Variants in WNT7A observed in about 807,000 individuals in gnomAD.
WNT7A encodes the protein protein Wnt-7a.
In WNT7A, 16 loss-of-function variants were observed where a neutral mutation model predicts 28.2. That is an observed-to-expected ratio of 0.57 (90% CI 0.38 to 0.86). The LOEUF is 0.86. Among genes scored for constraint, WNT7A ranks in the 40% least tolerant of loss-of-function variants. The pLI is 0.00. For missense variants in WNT7A, 411 were observed against 489.7 expected, an observed-to-expected ratio of 0.84 and a Z score of 1.52; for synonymous variants, 190 against 195.9, an observed-to-expected ratio of 0.97 and a Z score of 0.25.
At chr3:13,839,458 C>T (rs946070021) in intron 3 of WNT7A, among the ~76,000 whole-genome samples, 2 of 152,146 alleles carry the variant, frequency 1.3e-5, no homozygotes, top group Non-Finnish European at 2.9e-5. Context: ...CAGCCCATGG[C>T]GTCCTTTAAA....
intron 3 of WNT7A, among the ~76,000 whole-genome samples, chr3:13,824,093 T>C (rs142646291): frequency 6.6e-6 from 1 of 152,258 alleles, no homozygotes; most frequent in Non-Finnish European, 1.5e-5. Flanking sequence ...ACAGCTTTAC[T>C]GCAGTACAAT....
rs1301216064 is a variant in WNT7A at position 13,818,984 on chromosome 3, T to C, written c.1010A>G (p.Asn337Ser). ...KFHWCCYVKC[N>S]TCSERTEMYT... Reference sequence around the variant, plus strand: ...CATCTCCGTGCGCTCGCTGCACGTGTTGCACTTGACATAGCAGCACCAGTG... The same window carrying C: ...CATCTCCGTGCGCTCGCTGCACGTGCTGCACTTGACATAGCAGCACCAGTG... Residue 337 changes from asparagine (N) to serine (S), a missense_variant, in exon 4 of 4, where the codon AAC (asparagine) becomes AGC (serine). By Grantham distance (46) the Asn-to-Ser change is conservative. Coordinates refer to ENST00000285018, the MANE Select transcript of WNT7A (RefSeq NM_004625.4). The C allele has an allele frequency of 6.2e-7, 1 of 1,603,434 alleles. No individual in the cohort carries two copies. The highest frequency in any genetic ancestry group is 8.5e-7 in the Non-Finnish European group (1 of 1,171,822).
chr3:13,823,198 C>A (rs989527763), intron 3 of WNT7A, among the ~76,000 whole-genome samples: 1 of 152,148 alleles, frequency 6.6e-6, no homozygotes, highest in African/African-American at 2.4e-5. Flanking sequence ...CACTCTGCAC[C>A]CTACTGCTTG....
intron 3 of WNT7A, among the ~76,000 whole-genome samples, chr3:13,837,903 G>A (rs1184438938): frequency 1.3e-5 from 2 of 152,146 alleles, no homozygotes; most frequent in East Asian, 1.9e-4. Context: ...GGCCTCTCCC[G>A]ACCTGTGTTG....
intron 3 of WNT7A, among the ~76,000 whole-genome samples, chr3:13,840,619 T>C (rs1313632154): frequency 1.3e-5 from 2 of 151,718 alleles, no homozygotes; most frequent in Non-Finnish European, 2.9e-5. Flanking sequence ...CATCCATCCA[T>C]CCATCCATCC....
At chr3:13,841,304 G>A (rs1182005891) in intron 3 of WNT7A, among the ~76,000 whole-genome samples, 3 of 152,138 alleles carry the variant, frequency 2.0e-5, no homozygotes, top group South Asian at 2.1e-4. Flanking sequence ...CTAAAACGTC[G>A]CACCTAAGGC....
In WNT7A at chr3:13,817,814, CCA is replaced by C. The variant is rs1694033221; in HGVS notation, c.*1128_*1129del. The C allele has an allele frequency of 1.3e-5, 2 of 152,260 alleles. No homozygotes were observed. The highest frequency in any genetic ancestry group is 6.5e-5 in the Admixed American group (1 of 15,284). The allele number at this position is 152,260 out of a possible 1,614,324, so 9.4% of individuals were successfully genotyped here. A position where few individuals can be genotyped will look rare whatever the true frequency, so the allele number is the denominator to read the frequency against. Reference sequence around the variant, plus strand: ...CTGTGAGGGGCACGATGACCACCCACCACAGTGACTCATTTCGAAGCTACCAC... The same window carrying C: ...CTGTGAGGGGCACGATGACCACCCACCAGTGACTCATTTCGAAGCTACCAC... On this transcript the variant is annotated 3_prime_UTR_variant, in exon 4 of 4. Transcript: ENST00000285018.
chr3:13,856,875 GA>G (rs1694739630), intron 2 of WNT7A, among the ~76,000 whole-genome samples: 1 of 127,352 alleles, frequency 7.9e-6, no homozygotes, highest in African/African-American at 3.1e-5. Context: ...GGAAGAGGAA[GA>G]AGAGGAAGAA....
chr3:13,856,975 A>AAGGAGAAGAAGAAGGAGAAGG (rs1694754806), intron 2 of WNT7A, among the ~76,000 whole-genome samples: 1 of 97,016 alleles, frequency 1.0e-5, no homozygotes, highest in Non-Finnish European at 1.9e-5. Flanking sequence ...GAAGGAGAAG[A>AAGGAGAAGAAGAAGGAGAAGG]AGAAGAAGAA....
At position 13,879,939 on chromosome 3, in the gene WNT7A, C is replaced by G. The variant is rs568644912; in HGVS notation, c.-123G>C. On this transcript the variant is annotated 5_prime_UTR_variant, in exon 1 of 4. Coordinates refer to ENST00000285018, the MANE Select transcript of WNT7A (RefSeq NM_004625.4). Reference sequence around the variant, plus strand: ...CCGAGGCGTCCCCGGGGCCGTCTGTCGGTGCGCCCGTCCGCGCGCTCCGCG... The same window carrying G: ...CCGAGGCGTCCCCGGGGCCGTCTGTGGGTGCGCCCGTCCGCGCGCTCCGCG... 3 of 685,652 alleles carry G rather than the reference C, an allele frequency of 4.4e-6. No homozygotes were observed. In the African/African-American group the frequency reaches 5.7e-5, roughly 13 times the overall value. The allele number at this position is 685,652 out of a possible 1,614,324, so 42.5% of individuals were successfully genotyped here. A position where few individuals can be genotyped will look rare whatever the true frequency, so the allele number is the denominator to read the frequency against.
At position 13,828,901 on chromosome 3, in the gene WNT7A, G is replaced by A. The variant is rs181740808; in HGVS notation, c.571-9478C>T. Among the ~76,000 whole-genome samples, 608 of 152,292 alleles carry A rather than the reference G, an allele frequency of 4.0e-3. 8 individuals carry two copies. The highest frequency in any genetic ancestry group is 0.014 in the African/African-American group (562 of 41,554). ...GTGGCAGAGTCAGGTCACCCAAGAA[G>A]CTCAGTTCAAATCCCATCCCTGCCA... On this transcript the variant is annotated intron_variant, in intron 3 of 3. Transcript: ENST00000285018.
chr3:13,819,437 C>T lies in WNT7A; in HGVS notation c.571-14G>A, dbSNP rs760646081. On this transcript the variant is annotated splice_polypyrimidine_tract_variant and intron_variant, in intron 3 of 3. Transcript: ENST00000285018. ...CTCCTCCAGGATCTGCAGGGGAGGG[C>T]GGGGAAGAGCACAGCACAGGTCACT... is the stretch of plus-strand genomic sequence containing the variant. 2.5e-6 allele frequency: 4 copies of T among 1,610,068 alleles called. No individual in the cohort carries two copies. Among genetic ancestry groups the T allele is most frequent in the Admixed American group, 1.7e-5 (1 of 59,952 alleles).
intron 3 of WNT7A, among the ~76,000 whole-genome samples, chr3:13,826,175 G>A (rs1232574400): frequency 2.0e-5 from 3 of 152,182 alleles, no homozygotes; most frequent in African/African-American, 4.8e-5. Flanking sequence ...GTGCTGCTCC[G>A]GTTTTCTCTG....
chr3:13,853,694 C>A (rs1694678431), intron 3 of WNT7A, among the ~76,000 whole-genome samples: 1 of 152,240 alleles, frequency 6.6e-6, no homozygotes, highest in South Asian at 2.1e-4. Flanking sequence ...AAGCCTCATG[C>A]CCAGTGGAGC....
intron 3 of WNT7A, among the ~76,000 whole-genome samples, chr3:13,821,888 C>A (rs974528298): frequency 6.6e-6 from 1 of 152,182 alleles, no homozygotes. Context: ...TGTAACTATT[C>A]TTTTAAGTGA....
Position 13,874,966 on chromosome 3 carries a change from G to A in WNT7A, c.279C>T (p.Phe93=), listed in dbSNP as rs369354412. 55 of 1,613,998 alleles carry A rather than the reference G, an allele frequency of 3.4e-5. No individual in the cohort carries two copies. Among genetic ancestry groups the A allele is most frequent in the Admixed American group, 2.0e-4 (12 of 60,016 alleles). ...ACATACCCACTTTGAGCTCCTTCCC[G>A]AAGACGGTGCGCTCTCCCAGTGCAG... ...NCSALGERTV[F]GKELKVGSRE... The change falls in exon 2 of 4, where the codon TTC becomes TTT. Residue 93 remains phenylalanine (F), a synonymous_variant. Coordinates refer to ENST00000285018, the MANE Select transcript of WNT7A (RefSeq NM_004625.4).
rs142194483 is a variant in WNT7A at position 13,832,159 on chromosome 3, CCCT to C, written c.571-12739_571-12737del. On this transcript the variant is annotated intron_variant, in intron 3 of 3. Coordinates refer to ENST00000285018, the MANE Select transcript of WNT7A (RefSeq NM_004625.4). ...CTCCTCCTCAGGCTCCTCCTGCTCC[CCCT>C]CCTCCTCCTCAAGATCCTCCTGCTC... 1.4e-3 allele frequency among the ~76,000 whole-genome samples: 182 copies of C among 133,032 alleles called. 2 individuals carry two copies. The highest frequency in any genetic ancestry group is 4.9e-3 in the African/African-American group (175 of 35,476). The allele number at this position is 133,032 out of a possible 152,430, so 87.3% of individuals were successfully genotyped here.
At position 13,817,467 on chromosome 3, in the gene WNT7A, CACA is replaced by C. The variant is rs1173006337; in HGVS notation, c.*1474_*1476del. 2.8e-3 allele frequency: 353 copies of C among 124,228 alleles called. 2 individuals carry two copies. Among genetic ancestry groups the C allele is most frequent in the Non-Finnish European group, 2.8e-3 (172 of 60,530 alleles). The allele number at this position is 124,228 out of a possible 1,614,324, so 7.7% of individuals were successfully genotyped here. ...ACACACACACACACACACACACACA[CACA>C]CCGGAAATGCAAACGGACACATATT... is the stretch of plus-strand genomic sequence containing the variant. On this transcript the variant is annotated 3_prime_UTR_variant, in exon 4 of 4. Coordinates refer to ENST00000285018, the MANE Select transcript of WNT7A (RefSeq NM_004625.4).
At chr3:13,844,517 T>C (rs1349378751) in intron 3 of WNT7A, among the ~76,000 whole-genome samples, 1 of 152,184 alleles carries the variant, frequency 6.6e-6, no homozygotes, top group Non-Finnish European at 1.5e-5. Context: ...TCACGTTCAC[T>C]GCCCAGACCT....
Sources: gnomAD v4.1 joint callset for allele counts (sites outside exome capture counted in the v4.1 genomes callset) on GRCh38, gnomAD v4.1.1 for gene constraint, MANE v1.5 for transcripts, NCBI Gene and HGNC (gene_info 2026-07-23, HGNC 2026-07-21) for gene names.